SLC9A9: variants seen among roughly 807,000 people sequenced by gnomAD.
SLC9A9 encodes the protein sodium/hydrogen exchanger 9.
A neutral mutation model predicts 77.8 loss-of-function variants in SLC9A9; 62 were observed. The observed-to-expected ratio is 0.80, with a 90% CI of 0.65 to 0.98. The LOEUF is 0.98. SLC9A9 is among the 50% of genes least tolerant of loss of function. The probability of loss-of-function intolerance (pLI) is 0.00; values close to 1 mark genes in which losing one functional copy is unlikely to be tolerated. For synonymous variants in SLC9A9, 320 were observed against 283.5 expected (o/e 1.13, Z -1.29); for missense variants, 775 against 774.9 (o/e 1.00, Z 0.00).
At chr3:143,781,207 C>T (rs746731113) in intron 4 of SLC9A9, among the ~76,000 whole-genome samples, 6 of 152,246 alleles carry the variant, frequency 3.9e-5, no homozygotes, top group Non-Finnish European at 8.8e-5. Flanking sequence ...CTTAAGAATG[C>T]TAAGTTTCTA....
chr3:143,652,695 TA>T lies in SLC9A9; in HGVS notation c.650-336del, dbSNP rs150580039. ...TTCCCAAACACACTGTGTAGTTTCT[TA>T]ACTACCTTTGCATTTTGATTCCTTC... On this transcript the variant is annotated intron_variant, in intron 5 of 15. Transcript: ENST00000316549. 7.1e-3 allele frequency among the ~76,000 whole-genome samples: 1,078 copies of T among 152,058 alleles called. 16 individuals are homozygous for T. Among genetic ancestry groups the T allele is most frequent in the African/African-American group, 0.025 (1,033 of 41,430 alleles).
chr3:143,384,178 G>A (rs568431829), intron 12 of SLC9A9, among the ~76,000 whole-genome samples: 1 of 151,792 alleles, frequency 6.6e-6, no homozygotes, highest in Non-Finnish European at 1.5e-5. Context: ...GAGGAGAAAG[G>A]AGAGGGGAAG....
chr3:143,797,013 A>G (rs959414012), intron 2 of SLC9A9, 110 bp from the exon 3 acceptor site: 1 of 766,106 alleles, frequency 1.3e-6, no homozygotes, highest in African/African-American at 1.8e-5. Context: ...TGTGAGGCAT[A>G]TTAACTATTA....
At chr3:143,435,232 AGCCAG>A (rs2034599077) in intron 12 of SLC9A9, among the ~76,000 whole-genome samples, 1 of 152,148 alleles carries the variant, frequency 6.6e-6, no homozygotes, top group African/African-American at 2.4e-5. Flanking sequence ...AGCATCTTGT[AGCCAG>A]AACTCATGAC....
chr3:143,454,558 A>T (rs915212532), intron 12 of SLC9A9, among the ~76,000 whole-genome samples: 5 of 152,256 alleles, frequency 3.3e-5, no homozygotes, highest in African/African-American at 1.2e-4. Context: ...TTAGGTTTCT[A>T]TTGCTGTGTA....
At chr3:143,825,983 G>A (rs2009286605) in intron 2 of SLC9A9, among the ~76,000 whole-genome samples, 1 of 152,114 alleles carries the variant, frequency 6.6e-6, no homozygotes, top group South Asian at 2.1e-4. Flanking sequence ...TTGTGACCAG[G>A]CACTGTGGCT....
intron 4 of SLC9A9, among the ~76,000 whole-genome samples, chr3:143,765,754 G>A (rs2007293652): frequency 6.6e-6 from 1 of 152,114 alleles, no homozygotes; most frequent in South Asian, 2.1e-4. Flanking sequence ...TGCATTAACA[G>A]CCCCACTTCC....
At chr3:143,829,991 A>G (rs1559818065) in intron 2 of SLC9A9, among the ~76,000 whole-genome samples, 1 of 152,168 alleles carries the variant, frequency 6.6e-6, no homozygotes, top group Non-Finnish European at 1.5e-5. Flanking sequence ...ATCTAATCCT[A>G]ACTTTGTTTA....
Position 143,352,292 on chromosome 3 carries a change from G to GTCTT in SLC9A9, c.1604+11188_1604+11191dup, listed in dbSNP as rs548474359. ...GCAGTGAGGAAATAAAGCTGCTACA[G>GTCTT]TCTTTCCTGTTTGAGGTATTAAACA... is the stretch of plus-strand genomic sequence containing the variant. On this transcript the variant is annotated intron_variant, in intron 14 of 15. Coordinates refer to ENST00000316549, the MANE Select transcript of SLC9A9 (RefSeq NM_173653.4). 2.0e-3 allele frequency among the ~76,000 whole-genome samples: 308 copies of GTCTT among 152,350 alleles called. 1 individual carries two copies. The highest frequency in any genetic ancestry group is 8.7e-3 in the South Asian group (42 of 4,818).
chr3:143,455,559 C>T (rs566003652), intron 12 of SLC9A9, among the ~76,000 whole-genome samples: 1 of 152,242 alleles, frequency 6.6e-6, no homozygotes, highest in Admixed American at 6.5e-5. Flanking sequence ...CAGCAAGCCT[C>T]TCCATTAATT....
chr3:143,707,569 T>C (rs1349513054), intron 4 of SLC9A9, among the ~76,000 whole-genome samples: 1 of 152,230 alleles, frequency 6.6e-6, no homozygotes, highest in Admixed American at 6.5e-5. Flanking sequence ...TCAATTACTA[T>C]GTTCATTGTT....
At chr3:143,844,108 C>T (rs973113997) in intron 1 of SLC9A9, among the ~76,000 whole-genome samples, 2 of 152,130 alleles carry the variant, frequency 1.3e-5, no homozygotes, top group Non-Finnish European at 2.9e-5. Flanking sequence ...TTTGGAGTAT[C>T]ATATGAATCT....
intron 1 of SLC9A9, among the ~76,000 whole-genome samples, chr3:143,833,639 G>A (rs1460480126): frequency 7.2e-6 from 1 of 138,766 alleles, no homozygotes; most frequent in South Asian, 2.4e-4. Context: ...TGCTCTCCCT[G>A]TATGTAGACC....
chr3:143,599,144 A>G (rs2037805233), intron 6 of SLC9A9, among the ~76,000 whole-genome samples: 1 of 152,196 alleles, frequency 6.6e-6, no homozygotes, highest in Non-Finnish European at 1.5e-5. Context: ...AAGAAAGCCT[A>G]CCGTGTGCCT....
intron 2 of SLC9A9, among the ~76,000 whole-genome samples, chr3:143,829,115 T>C (rs2009372606): frequency 6.6e-6 from 1 of 152,186 alleles, no homozygotes; most frequent in Admixed American, 6.6e-5. Flanking sequence ...TGCCCATCTA[T>C]GAAATGATGA....
intron 9 of SLC9A9, among the ~76,000 whole-genome samples, chr3:143,534,336 A>T (rs17640925): frequency 0.11 from 16,743 of 152,280 alleles, 1,137 homozygotes; most frequent in East Asian, 0.14. Flanking sequence ...GGTCAAAGTT[A>T]AAAAAGTGTG....
intron 1 of SLC9A9, among the ~76,000 whole-genome samples, chr3:143,834,964 G>A (rs964274498): frequency 2.0e-5 from 3 of 152,150 alleles, no homozygotes; most frequent in Non-Finnish European, 4.4e-5. Flanking sequence ...TTCACACTGA[G>A]GTCAGGCTCC....
chr3:143,568,932 CA>C, intron 8 of SLC9A9, among the ~76,000 whole-genome samples: 1 of 152,052 alleles, frequency 6.6e-6, no homozygotes, highest in East Asian at 1.9e-4. Flanking sequence ...TTTACTGTAG[CA>C]CCCCAAAATA....
chr3:143,591,818 T>A (rs2037649713), intron 6 of SLC9A9, among the ~76,000 whole-genome samples: 1 of 152,210 alleles, frequency 6.6e-6, no homozygotes, highest in Non-Finnish European at 1.5e-5. Flanking sequence ...CATATCGAGT[T>A]GGACAATAGG....
Sources: gnomAD v4.1 joint callset for allele counts (sites outside exome capture counted in the v4.1 genomes callset) on GRCh38, gnomAD v4.1.1 for gene constraint, MANE v1.5 for transcripts, NCBI Gene and HGNC (gene_info 2026-07-23, HGNC 2026-07-21) for gene names.